The following THSD4 variants were observed in gnomAD, a reference collection of about 807,000 sequenced individuals.
THSD4 encodes thrombospondin type-1 domain-containing protein 4.
A neutral mutation model predicts 119.0 loss-of-function variants in THSD4; 69 were observed. The observed-to-expected ratio is 0.58, with a 90% CI of 0.48 to 0.71. The LOEUF is 0.71. Ranked by LOEUF, THSD4 falls within the 30% of genes least tolerant of loss-of-function variation. The pLI is 0.00. For synonymous variants in THSD4, 524 were observed against 540.4 expected, an observed-to-expected ratio of 0.97 and a Z score of 0.42; for missense variants, 1,393 against 1,391.1, an observed-to-expected ratio of 1.00 and a Z score of -0.02.
chr15:71,110,625 C>T (rs968979088), upstream of THSD4: 1 of 156,422 alleles, frequency 6.4e-6, no homozygotes, highest in African/African-American at 2.4e-5. Flanking sequence ...GCCTCCAGGA[C>T]AGCAGCGGGC....
intron 3 of THSD4, among the ~76,000 whole-genome samples, chr15:71,180,207 G>C (rs1490175645): frequency 1.3e-5 from 2 of 149,204 alleles, no homozygotes; most frequent in East Asian, 3.9e-4. Flanking sequence ...AGAGTATAAA[G>C]GCAACCCACA....
intron 6 of THSD4, among the ~76,000 whole-genome samples, chr15:71,317,926 A>G (rs1567193549): frequency 6.6e-6 from 1 of 152,154 alleles, no homozygotes; most frequent in Non-Finnish European, 1.5e-5. Context: ...AATGCCTGGT[A>G]TTTGGTCGGG....
At chr15:71,587,787 T>TAAAAAAA (rs1207231444) in intron 7 of THSD4, among the ~76,000 whole-genome samples, 4 of 105,540 alleles carry the variant, frequency 3.8e-5, no homozygotes, top group African/African-American at 7.2e-5. Context: ...AAAAAAAAAT[T>TAAAAAAA]AAAAAAAAAA....
At position 71,215,132 on chromosome 15, in the gene THSD4, C is replaced by T. The variant is rs1206773545; in HGVS notation, c.197C>T (p.Ser66Leu). 1.5e-5 allele frequency: 20 copies of T among 1,369,334 alleles called. No individual in the cohort carries two copies. Among genetic ancestry groups the T allele is most frequent in the East Asian group, 3.2e-5 (1 of 31,348 alleles). 84.8% of individuals were successfully genotyped at this position (1,369,334 alleles called of 1,614,324 possible). A position where few individuals can be genotyped will look rare whatever the true frequency, so the allele number is the denominator to read the frequency against. Reference sequence around the variant, plus strand: ...GCCTGGGGCCCCTGGTCGGCCTGCTCGCGTAGCTGCAGCGGCGGCGTGATG... The same window carrying T: ...GCCTGGGGCCCCTGGTCGGCCTGCTTGCGTAGCTGCAGCGGCGGCGTGATG... ...WGAWGPWSAC[S>L]RSCSGGVMEQ... The change falls in exon 4 of 18, where the codon TCG (serine) becomes TTG (leucine). Residue 66 changes from serine (S) to leucine (L), a missense_variant. Coordinates refer to ENST00000261862, the MANE Select transcript of THSD4 (RefSeq NM_024817.3).
chr15:71,372,099 G>A (rs1213269014), intron 6 of THSD4, among the ~76,000 whole-genome samples: 3 of 152,194 alleles, frequency 2.0e-5, no homozygotes, highest in Non-Finnish European at 4.4e-5. Context: ...CATTCGTCAC[G>A]TAGTTCTTGT....
At chr15:71,350,673 C>G (rs887232230) in intron 6 of THSD4, among the ~76,000 whole-genome samples, 3 of 152,094 alleles carry the variant, frequency 2.0e-5, no homozygotes, top group Admixed American at 6.6e-5. Context: ...GAATGGCCAA[C>G]AAGCTTGAGC....
intron 3 of THSD4, chr15:71,164,844 C>T: frequency 1.3e-6 from 2 of 1,587,434 alleles, no homozygotes; most frequent in Non-Finnish European, 1.7e-6. Context: ...TCTTCATCTT[C>T]CTCATCTTCC....
chr15:71,308,606 G>A (rs921433958), intron 6 of THSD4, among the ~76,000 whole-genome samples: 1 of 152,086 alleles, frequency 6.6e-6, no homozygotes, highest in East Asian at 1.9e-4. Context: ...CATTTTAATT[G>A]CCAAGTAATA....
At chr15:71,657,290 G>A (rs1035638787) in intron 7 of THSD4, among the ~76,000 whole-genome samples, 2 of 152,028 alleles carry the variant, frequency 1.3e-5, no homozygotes, top group East Asian at 1.9e-4. Flanking sequence ...TACGTGTTTC[G>A]ATCTTGTCAT....
chr15:71,375,751 A>G (rs1297031454), intron 6 of THSD4, among the ~76,000 whole-genome samples: 1 of 152,220 alleles, frequency 6.6e-6, no homozygotes, highest in Admixed American at 6.5e-5. Context: ...AAGCATCAGC[A>G]TCACCTGGGA....
At chr15:71,307,187 T>A (rs1567189598) in intron 6 of THSD4, among the ~76,000 whole-genome samples, 1 of 152,160 alleles carries the variant, frequency 6.6e-6, no homozygotes, top group Non-Finnish European at 1.5e-5. Flanking sequence ...GCTGAACACC[T>A]CCTCACTAGC....
intron 7 of THSD4, among the ~76,000 whole-genome samples, chr15:71,573,690 C>T (rs148862635): frequency 2.4e-4 from 37 of 152,306 alleles, no homozygotes; most frequent in African/African-American, 8.9e-4. Flanking sequence ...CTACAATGTG[C>T]TCCATTCATA....
intron 6 of THSD4, among the ~76,000 whole-genome samples, chr15:71,288,365 A>G (rs1216304451): frequency 2.0e-5 from 3 of 152,214 alleles, no homozygotes; most frequent in Non-Finnish European, 4.4e-5. Context: ...CTTTCAGAGG[A>G]TCCAGGAAGT....
chr15:71,583,931 T>C (rs991354395), intron 7 of THSD4, among the ~76,000 whole-genome samples: 4 of 152,188 alleles, frequency 2.6e-5, no homozygotes, highest in Admixed American at 2.6e-4. Flanking sequence ...TTGGTCTATG[T>C]GTTGTTCAAG....
chr15:71,660,441 G>A, intron 7 of THSD4, 89 bp from the exon 8 acceptor site: 1 of 1,525,840 alleles, frequency 6.6e-7, no homozygotes, highest in Middle Eastern at 2.0e-4. Flanking sequence ...AGCTAGAAAA[G>A]AAATTTCTTG....
At position 71,115,755 on chromosome 15, in the gene THSD4, G is replaced by C. The variant is rs1413090663; in HGVS notation, c.-80+57G>C. ...CGCGCCGCCCGCGCGGCCCCGACCC[G>C]GCTTCCGCTGCCCAGGCTCCGGCTC... On this transcript the variant is annotated intron_variant, in intron 1 of 17. Transcript: ENST00000261862. This position sits in a 1 kb window ranked among gnomAD's most constrained non-coding sequence, Gnocchi z 4.4. 6.7e-6 allele frequency: 1 copy of C among 148,720 alleles called. No individual in the cohort carries two copies. The highest frequency in any genetic ancestry group is 1.5e-5 in the Non-Finnish European group (1 of 66,812). The allele number at this position is 148,720 out of a possible 1,614,324, so 9.2% of individuals were successfully genotyped here. A position where few individuals can be genotyped will look rare whatever the true frequency, so the allele number is the denominator to read the frequency against.
At chr15:71,429,076 G>C (rs1187558400) in intron 7 of THSD4, among the ~76,000 whole-genome samples, 1 of 152,200 alleles carries the variant, frequency 6.6e-6, no homozygotes, top group African/African-American at 2.4e-5. Context: ...TGCTGTAGGG[G>C]CCAAGCTTCC....
intron 7 of THSD4, among the ~76,000 whole-genome samples, chr15:71,490,860 T>G (rs753853494): frequency 1.9e-4 from 29 of 152,364 alleles, no homozygotes; most frequent in Non-Finnish European, 3.2e-4. Flanking sequence ...CCCATTTGTT[T>G]CTGTATTGTC....
rs1288858726 is a variant in THSD4, at chr15:71,141,555, A to T, written c.28A>T (p.Ser10Cys). Reference protein sequence around the residue: MVSHFMGSLSVLCFLLLLGF... With the variant: MVSHFMGSLCVLCFLLLLGF... The stretch of plus-strand genomic sequence containing the variant: ...GGTTTCCCATTTCATGGGGTCTCTC[A>T]GGTAAGTGAAGAAACTTTTTTTAAA... The change falls in exon 2 of 18, where the codon AGT becomes TGT. Residue 10 changes from serine (S) to cysteine (C), a missense_variant and splice_region_variant. Physicochemically the swap from Ser to Cys is moderately radical, Grantham distance 112. Transcript: ENST00000261862. 6.2e-7 allele frequency: 1 copy of T among 1,608,662 alleles called. No homozygotes were observed. The highest frequency in any genetic ancestry group is 2.2e-5 in the East Asian group (1 of 44,880).
Sources: allele counts gnomAD v4.1 joint callset (sites outside exome capture counted in the v4.1 genomes callset), GRCh38; gene constraint gnomAD v4.1.1; non-coding constraint Gnocchi (gnomAD v3.1); transcripts MANE v1.5; gene names NCBI Gene and HGNC (gene_info 2026-07-23, HGNC 2026-07-21).